Variants in CNNM4 observed in about 807,000 individuals in gnomAD.
CNNM4 encodes metal transporter CNNM4.
A neutral mutation model predicts 53.7 loss-of-function variants in CNNM4; 32 were observed. That is an observed-to-expected ratio of 0.60 (90% CI 0.45 to 0.80). The LOEUF (loss-of-function observed/expected upper bound fraction) is 0.80. Ranked by LOEUF, CNNM4 falls within the 30% of genes least tolerant of loss-of-function variation. The pLI, the probability that CNNM4 is intolerant of heterozygous loss-of-function variation, is 0.00. For missense variants in CNNM4, 784 were observed against 1,022.0 expected (o/e 0.77, Z 3.17); for synonymous variants, 410 against 440.0 (o/e 0.93, Z 0.85).
chr2:96,795,048 G>A (rs2079091091), intron 1 of CNNM4, among the ~76,000 whole-genome samples: 1 of 152,248 alleles, frequency 6.6e-6, no homozygotes, highest in Non-Finnish European at 1.5e-5. Context: ...CGTGTATTCT[G>A]CAAATATTCC....
chr2:96,802,517 T>C (rs1558996278), intron 5 of CNNM4, among the ~76,000 whole-genome samples: 1 of 152,278 alleles, frequency 6.6e-6, no homozygotes, highest in Non-Finnish European at 1.5e-5. Context: ...ATGAGGGGCA[T>C]GGCCCCGGGT....
chr2:96,801,164 C>A lies in CNNM4; in HGVS notation c.1948+1516C>A. The A allele has an allele frequency of 1.0e-6, 1 of 975,532 alleles. No individual in the cohort carries two copies. The highest frequency in any genetic ancestry group is 1.2e-6 in the Non-Finnish European group (1 of 820,920). The allele number at this position is 975,532 out of a possible 1,614,324, so 60.4% of individuals were successfully genotyped here. Reference sequence around the variant, plus strand: ...CGTGGCACAGCTGAGGGTCACGCTGCCACCTGCTGCCTGTGCCTGCACACT... The same window carrying A: ...CGTGGCACAGCTGAGGGTCACGCTGACACCTGCTGCCTGTGCCTGCACACT... On this transcript the variant is annotated intron_variant, in intron 5 of 6. Transcript: ENST00000377075. The surrounding 1 kb of genome is among the most constrained non-coding windows in gnomAD (Gnocchi z 5.6).
intron 1 of CNNM4, among the ~76,000 whole-genome samples, chr2:96,766,722 T>G (rs768908449): frequency 6.6e-6 from 1 of 152,226 alleles, no homozygotes; most frequent in Non-Finnish European, 1.5e-5. Flanking sequence ...TCAATGTATC[T>G]CTAGCCCCTA....
chr2:96,809,259 C>T (rs776628222), intron 6 of CNNM4, 61 bp from the exon 7 acceptor site: 3 of 1,604,566 alleles, frequency 1.9e-6, no homozygotes, highest in Non-Finnish European at 8.5e-7. Context: ...TTTCTCCAGG[C>T]CTGGTGATAG....
chr2:96,805,865 C>G (rs1480012611), intron 5 of CNNM4, among the ~76,000 whole-genome samples: 1 of 151,244 alleles, frequency 6.6e-6, no homozygotes, highest in Non-Finnish European at 1.5e-5. Flanking sequence ...ACAGACACGG[C>G]AACCATCCGA....
At chr2:96,763,226 GT>G (rs755595324) in intron 1 of CNNM4, among the ~76,000 whole-genome samples, 6 of 152,110 alleles carry the variant, frequency 3.9e-5, no homozygotes, top group African/African-American at 1.4e-4. Flanking sequence ...ACTGCCTTGT[GT>G]TTTTTTCTCA....
intron 1 of CNNM4, among the ~76,000 whole-genome samples, chr2:96,786,429 G>T (rs1335016243): frequency 7.3e-6 from 1 of 137,286 alleles, no homozygotes; most frequent in East Asian, 2.2e-4. Context: ...AAAAAAAAAA[G>T]TTCTTAAAAA....
rs546680022 is a variant in CNNM4, at chr2:96,801,412, A to G, written c.1948+1764A>G. ...GATACACATACAGATACACATAGCC[A>G]TAGATACACGCAGAGACACACACAG... On this transcript the variant is annotated intron_variant, in intron 5 of 6. Transcript: ENST00000377075. This position sits in a 1 kb window ranked among gnomAD's most constrained non-coding sequence, Gnocchi z 5.6. 6.6e-6 allele frequency among the ~76,000 whole-genome samples: 1 copy of G among 152,150 alleles called. No individual in the cohort carries two copies. Among genetic ancestry groups the G allele is most frequent in the Non-Finnish European group, 1.5e-5 (1 of 68,018 alleles).
At chr2:96,802,023 A>G (rs1220194044) in intron 5 of CNNM4, among the ~76,000 whole-genome samples, 1 of 150,448 alleles carries the variant, frequency 6.6e-6, no homozygotes, top group Non-Finnish European at 1.5e-5. Flanking sequence ...ACACAGAAGC[A>G]CCCACCCATA....
chr2:96,774,371 A>G (rs1381713916), intron 1 of CNNM4, among the ~76,000 whole-genome samples: 1 of 152,076 alleles, frequency 6.6e-6, no homozygotes, highest in Non-Finnish European at 1.5e-5. Context: ...CTATGATTGC[A>G]CCACTGCGCT....
rs138445233 is a variant in CNNM4, at chr2:96,809,343, C to T, written c.2154C>T (p.Asn718=). 328 of 1,614,032 alleles carry T rather than the reference C, an allele frequency of 2.0e-4. No individual in the cohort carries two copies. Among genetic ancestry groups the T allele is most frequent in the Non-Finnish European group, 2.6e-4 (301 of 1,180,026 alleles). The change falls in exon 7 of 7, where the codon AAC becomes AAT. Residue 718 remains asparagine (N), a synonymous_variant. Transcript: ENST00000377075. ...AGATCACTCGGCAGCAGTACCAGAA[C>T]GGGCTGCTGGCTTCTCGCATGGAGA... ...YIKITRQQYQ[N]GLLASRMENS...
intron 1 of CNNM4, among the ~76,000 whole-genome samples, chr2:96,763,510 A>G (rs1270696858): frequency 4.6e-5 from 7 of 152,112 alleles, no homozygotes; most frequent in Admixed American, 2.6e-4. Context: ...CTTTCTAAAC[A>G]TGCTCCCAGC....
At chr2:96,764,977 ACT>A (rs1483442672) in intron 1 of CNNM4, among the ~76,000 whole-genome samples, 2 of 126,234 alleles carry the variant, frequency 1.6e-5, no homozygotes. Context: ...ACTGAGCAAG[ACT>A]CTGTTTCAAA....
In CNNM4 at chr2:96,797,013, G is replaced by A; in HGVS notation, c.1404G>A (p.Gly468=). Residue 468 remains glycine, a splice_region_variant and synonymous_variant, in exon 2 of 7, where the codon GGG becomes GGA. Coordinates refer to ENST00000377075, the MANE Select transcript of CNNM4 (RefSeq NM_020184.4). This position sits in a 1 kb window ranked among gnomAD's most constrained non-coding sequence, Gnocchi z 6.0. ...CTGACTTGCTGCATTGTCCCACAGG[G>A]AAGTCCCACCTGGCCATCGTGCAGA... ...LDAMLEEFKK[G]KSHLAIVQKV... The A allele has an allele frequency of 6.2e-7, 1 of 1,612,868 alleles. No homozygotes were observed. The highest frequency in any genetic ancestry group is 8.5e-7 in the Non-Finnish European group (1 of 1,179,960).
chr2:96,807,239 G>A (rs2079217503), intron 5 of CNNM4, among the ~76,000 whole-genome samples: 1 of 152,114 alleles, frequency 6.6e-6, no homozygotes, highest in Admixed American at 6.5e-5. Context: ...TTGAACTCCG[G>A]CTCAAGCAAT....
At chr2:96,772,605 A>ACT in intron 1 of CNNM4, among the ~76,000 whole-genome samples, 1 of 133,470 alleles carries the variant, frequency 7.5e-6, no homozygotes, top group African/African-American at 2.8e-5. Context: ...TCACTCACAC[A>ACT]TGCGCACACA....
chr2:96,791,823 T>G (rs1408205560), intron 1 of CNNM4, among the ~76,000 whole-genome samples: 1 of 152,150 alleles, frequency 6.6e-6, no homozygotes, highest in African/African-American at 2.4e-5. Context: ...TATTTTCTGT[T>G]TTCTTTTTAT....
chr2:96,762,925 A>T lies in CNNM4; in HGVS notation c.1402+524A>T, dbSNP rs114250660. On this transcript the variant is annotated intron_variant, in intron 1 of 6. Transcript: ENST00000377075. Reference sequence around the variant, plus strand: ...GCAGGTGGTCCTGTTTGGTGGGTATAGTGGCTCTGATGCTTAGTGGTCAAT... The same window carrying T: ...GCAGGTGGTCCTGTTTGGTGGGTATTGTGGCTCTGATGCTTAGTGGTCAAT... Among the ~76,000 whole-genome samples, 46 of 152,122 alleles carry T rather than the reference A, an allele frequency of 3.0e-4. 1 individual carries two copies. The highest frequency in any genetic ancestry group is 9.6e-4 in the African/African-American group (40 of 41,526).
intron 1 of CNNM4, among the ~76,000 whole-genome samples, chr2:96,782,094 T>TTATTCTTAGTGA (rs2078980380): frequency 6.6e-6 from 1 of 151,946 alleles, no homozygotes; most frequent in East Asian, 1.9e-4. Context: ...TAACTTAGTG[T>TTATTCTTAGTGA]CATTATTCTA....
Sources: gnomAD v4.1 joint callset for allele counts (sites outside exome capture counted in the v4.1 genomes callset) on GRCh38, gnomAD v4.1.1 for gene constraint, Gnocchi (gnomAD v3.1) non-coding constraint, MANE v1.5 for transcripts, NCBI Gene and HGNC (gene_info 2026-07-23, HGNC 2026-07-21) for gene names.